NUBP2: variants seen among roughly 807,000 people sequenced by gnomAD.
NUBP2 encodes the protein cytosolic Fe-S cluster assembly factor NUBP2.
A neutral mutation model predicts 24.9 loss-of-function variants in NUBP2; 23 were observed. That is an observed-to-expected ratio of 0.92 (90% confidence interval 0.66 to 1.31). The LOEUF (loss-of-function observed/expected upper bound fraction) is 1.31, where lower values mean the gene tolerates loss of function less well. Ranked by LOEUF, NUBP2 falls within the 50% of genes most tolerant of loss-of-function variation. The pLI, the probability that NUBP2 is intolerant of heterozygous loss-of-function variation, is 0.00. For missense variants in NUBP2, 403 were observed against 386.5 expected, an observed-to-expected ratio of 1.04 and a Z score of -0.36; for synonymous variants, 186 against 170.9, an observed-to-expected ratio of 1.09 and a Z score of -0.69.
chr16:1,785,084 A>G, intron 1 of NUBP2: 7 of 985,684 alleles, frequency 7.1e-6, no homozygotes, highest in Non-Finnish European at 8.4e-6. Context: ...GTAAAAATAT[A>G]TTTGTCCACC....
chr16:1,784,968 C>G, intron 1 of NUBP2: 2 of 461,290 alleles, frequency 4.3e-6, no homozygotes, highest in Non-Finnish European at 5.7e-6. Context: ...ACGAGAATTG[C>G]TTGGACCCAG....
chr16:1,787,698 C>T lies in NUBP2; in HGVS notation c.356C>T (p.Ser119Phe). ...GCAGCGCTGATAAAGCAGTTTGTGT[C>T]CGACGTGGCCTGGGGGGAGCTGGAC... ...KKNALIKQFV[S>F]DVAWGELDYL... The change falls in exon 4 of 7, where the codon TCC becomes TTC. Residue 119 changes from serine (S) to phenylalanine (F), a missense_variant. By Grantham distance (155) the Ser-to-Phe change is radical. Transcript: ENST00000262302. 1 of 1,612,616 alleles carries T rather than the reference C, an allele frequency of 6.2e-7. No homozygotes were observed. The highest frequency in any genetic ancestry group is 8.5e-7 in the Non-Finnish European group (1 of 1,179,918).
In NUBP2 at chr16:1,789,052, G is replaced by A; in HGVS notation, c.*338G>A. ...TTCTGCAGTCCTCAGGTGACCCCGG[G>A]CCTCCAGCACCCTGGGTCGCTGTCA... On this transcript the variant is annotated 3_prime_UTR_variant, in exon 7 of 7. Transcript: ENST00000262302. 1 of 261,220 alleles carries A rather than the reference G, an allele frequency of 3.8e-6. No individual in the cohort carries two copies. The highest frequency in any genetic ancestry group is 7.3e-6 in the Non-Finnish European group (1 of 137,804). 16.2% of individuals were successfully genotyped at this position (261,220 alleles called of 1,614,324 possible). A position where few individuals can be genotyped will look rare whatever the true frequency, so the allele number is the denominator to read the frequency against.
chr16:1,788,060 C>CG lies in NUBP2; in HGVS notation c.600+14dup. 6.3e-7 allele frequency: 1 copy of CG among 1,578,066 alleles called. No homozygotes were observed. Among genetic ancestry groups the CG allele is most frequent in the Non-Finnish European group, 8.6e-7 (1 of 1,165,162 alleles). ...CCTGCCCACACTGCACGGTGAGTCC[C>CG]GGGGGTTGCAGAGGGGGCGAGGCAG... On this transcript the variant is annotated intron_variant, in intron 5 of 6. Transcript: ENST00000262302.
In NUBP2 at chr16:1,786,842, G is replaced by A. The variant is rs1223885413; in HGVS notation, c.221G>A (p.Arg74His). 29 of 1,596,872 alleles carry A rather than the reference G, an allele frequency of 1.8e-5. No individual in the cohort carries two copies. The highest frequency in any genetic ancestry group is 2.2e-5 in the South Asian group (2 of 90,462). Residue 74 changes from arginine (R) to histidine (H), a missense_variant, in exon 3 of 7, where the codon CGC becomes CAC. Arg to His is a conservative substitution (Grantham distance 29). Coordinates refer to ENST00000262302, the MANE Select transcript of NUBP2 (RefSeq NM_012225.4). ...AQGRAVHQCDRGWAPVFLDRE... is the reference protein window; with the variant it reads ...AQGRAVHQCDHGWAPVFLDRE... ...GGCAGGGCTGTGCACCAGTGCGACC[G>A]CGGCTGGGCACCCGTCTTCCTGGAC...
At chr16:1,787,181 G>C in intron 3 of NUBP2, 1 of 489,200 alleles carries the variant, frequency 2.0e-6, no homozygotes, top group Non-Finnish European at 3.6e-6. Flanking sequence ...GGTCTGCTGA[G>C]ACCCTGGCCA....
intron 1 of NUBP2, chr16:1,785,455 T>TAAAAA: frequency 8.4e-7 from 1 of 1,187,030 alleles, no homozygotes; most frequent in Non-Finnish European, 1.1e-6. Context: ...GTGCCAGCAC[T>TAAAAA]GATGGCAGCA....
intron 6 of NUBP2, 150 bp downstream of exon 6, chr16:1,788,357 A>T: frequency 1.8e-6 from 2 of 1,085,164 alleles, no homozygotes; most frequent in Non-Finnish European, 2.5e-6. Context: ...CATGCCGCTG[A>T]GACCTGCAGG....
intron 3 of NUBP2, 182 bp from the exon 4 acceptor site, chr16:1,787,495 G>A (rs1045485390): frequency 2.9e-5 from 23 of 781,942 alleles, no homozygotes; most frequent in Middle Eastern, 3.8e-4. Context: ...TAATGGCCCC[G>A]GCCCCATCTT....
At chr16:1,787,235 G>T in intron 3 of NUBP2, 2 of 442,450 alleles carry the variant, frequency 4.5e-6, no homozygotes, top group East Asian at 3.6e-5. Flanking sequence ...GGTCATAGGG[G>T]CAGAGCTGAG....
At chr16:1,783,558 A>G in intron 1 of NUBP2, 3 of 959,432 alleles carry the variant, frequency 3.1e-6, no homozygotes, top group Non-Finnish European at 3.7e-6. Flanking sequence ...CGTTCGCCAG[A>G]TCAGCGCCGT....
In NUBP2 at chr16:1,788,189, G is replaced by T; in HGVS notation, c.652G>T (p.Ala218Ser). ...RGGGEELAQL[A>S]GVPFLGSVPL... Reference sequence around the variant, plus strand: ...CGGCGGAGAGGAGCTGGCCCAGCTCGCCGGGGTGCCCTTCTTAGGTGAGTG... The same window carrying T: ...CGGCGGAGAGGAGCTGGCCCAGCTCTCCGGGGTGCCCTTCTTAGGTGAGTG... The change falls in exon 6 of 7, where the codon GCC (alanine) becomes TCC (serine). Residue 218 changes from alanine to serine, a missense_variant. By Grantham distance (99) the Ala-to-Ser change is moderately conservative. Coordinates refer to ENST00000262302, the MANE Select transcript of NUBP2 (RefSeq NM_012225.4). 6.6e-7 allele frequency: 1 copy of T among 1,505,150 alleles called. No homozygotes were observed. The highest frequency in any genetic ancestry group is 8.8e-7 in the Non-Finnish European group (1 of 1,130,234). 93.2% of individuals were successfully genotyped at this position (1,505,150 alleles called of 1,614,324 possible). A position where few individuals can be genotyped will look rare whatever the true frequency, so the allele number is the denominator to read the frequency against.
At chr16:1,786,995 G>T in intron 3 of NUBP2, 40 bp downstream of exon 3, 1 of 1,481,766 alleles carries the variant, frequency 6.7e-7, no homozygotes, top group Non-Finnish European at 9.0e-7. Flanking sequence ...TGGTGAAGGG[G>T]GTTAGCGTCC....
rs762573134 is a variant in NUBP2, at chr16:1,786,563, C to T, written c.43C>T (p.His15Tyr). Reference protein sequence around the residue: ...AEPGNLAGVRHIILVLSGKGG... With the variant: ...AEPGNLAGVRYIILVLSGKGG... ...GCCTGGAAACCTGGCCGGCGTCAGG[C>T]ACATCATCCTGGTCCTCTCAGGAAA... Residue 15 changes from histidine to tyrosine, a missense_variant, in exon 2 of 7, where the codon CAC becomes TAC. Coordinates refer to ENST00000262302, the MANE Select transcript of NUBP2 (RefSeq NM_012225.4). 41 of 1,603,630 alleles carry T rather than the reference C, an allele frequency of 2.6e-5. No individual in the cohort carries two copies. The highest frequency in any genetic ancestry group is 2.0e-5 in the Non-Finnish European group (23 of 1,172,904).
chr16:1,788,280 T>C, intron 6 of NUBP2, 73 bp downstream of exon 6: 1 of 1,335,594 alleles, frequency 7.5e-7, no homozygotes, highest in Non-Finnish European at 9.9e-7. Flanking sequence ...TTGACCTCCA[T>C]GCCCCCAGTG....
In NUBP2 at chr16:1,783,008, TG is replaced by T. The variant is rs1264551779; in HGVS notation, c.-11del. The T allele has an allele frequency of 7.2e-7, 1 of 1,394,530 alleles. No homozygotes were observed. Among genetic ancestry groups the T allele is most frequent in the Non-Finnish European group, 9.3e-7 (1 of 1,070,296 alleles). The allele number at this position is 1,394,530 out of a possible 1,614,324, so 86.4% of individuals were successfully genotyped here. ...TAAGCGGACTGCAGCCGCGAGCTCC[TG>T]GAGGCGGCGGGATGGAGGCGGCGGC... On this transcript the variant is annotated 5_prime_UTR_variant, in exon 1 of 7. Transcript: ENST00000262302.
intron 1 of NUBP2, chr16:1,785,013 C>T: frequency 2.2e-6 from 2 of 893,166 alleles, no homozygotes; most frequent in Non-Finnish European, 2.7e-6. Context: ...GATTGCGCCA[C>T]TGTACTCCAG....
At chr16:1,783,732 C>T (rs1896830608) in intron 1 of NUBP2, 1 of 173,400 alleles carries the variant, frequency 5.8e-6, no homozygotes, top group Non-Finnish European at 1.1e-5. Context: ...CTCGTTCTGT[C>T]GCCCAGGCTG....
intron 3 of NUBP2, 88 bp downstream of exon 3, chr16:1,787,043 G>A: frequency 3.9e-6 from 5 of 1,292,030 alleles, no homozygotes; most frequent in Non-Finnish European, 5.1e-6. Context: ...CTCTTCAGCA[G>A]CCAGGCCTGT....
Sources: allele counts gnomAD v4.1 joint callset, GRCh38; gene constraint gnomAD v4.1.1; transcripts MANE v1.5; gene names NCBI Gene and HGNC (gene_info 2026-07-23, HGNC 2026-07-21).